The following CPA6 variants were observed in gnomAD, a reference collection of about 807,000 sequenced individuals.
CPA6 encodes carboxypeptidase A6.
In CPA6, 58 loss-of-function variants were observed where a neutral mutation model predicts 63.3. The ratio of observed to expected loss-of-function variants is 0.92; its 90% CI spans 0.74 to 1.14. CPA6 has a LOEUF of 1.14. CPA6 is among the 50% of genes most tolerant of loss of function. The pLI is 0.00. For synonymous variants in CPA6, 185 were observed against 179.0 expected (o/e 1.03, Z -0.27); for missense variants, 565 against 526.6 (o/e 1.07, Z -0.71).
intron 1 of CPA6, among the ~76,000 whole-genome samples, chr8:67,726,876 A>C (rs192076903): frequency 6.6e-6 from 1 of 152,202 alleles, no homozygotes; most frequent in African/African-American, 2.4e-5. Flanking sequence ...TTCAGTTAGA[A>C]ATAAAGGAGG....
chr8:67,546,243 C>G (rs1812816643), intron 2 of CPA6, among the ~76,000 whole-genome samples: 1 of 152,184 alleles, frequency 6.6e-6, no homozygotes, highest in African/African-American at 2.4e-5. Flanking sequence ...ATTGTAGGAA[C>G]CTGAAGCTTC....
chr8:67,563,518 G>A (rs956253305), intron 2 of CPA6, among the ~76,000 whole-genome samples: 4 of 152,136 alleles, frequency 2.6e-5, no homozygotes, highest in Admixed American at 2.6e-4. Flanking sequence ...TTTCAGGGAG[G>A]TCATTCTTTA....
intron 2 of CPA6, among the ~76,000 whole-genome samples, chr8:67,606,433 C>A (rs981950838): frequency 6.6e-6 from 1 of 152,036 alleles, no homozygotes; most frequent in Non-Finnish European, 1.5e-5. Context: ...TTGAGAGGAC[C>A]ACCCAAAGTC....
intron 1 of CPA6, among the ~76,000 whole-genome samples, chr8:67,699,521 A>T (rs1816978450): frequency 6.6e-6 from 1 of 152,114 alleles, no homozygotes; most frequent in Admixed American, 6.5e-5. Flanking sequence ...ACAAACAAAC[A>T]TTTACATGCA....
intron 1 of CPA6, among the ~76,000 whole-genome samples, chr8:67,675,133 A>G (rs1025962938): frequency 6.6e-6 from 1 of 152,136 alleles, no homozygotes; most frequent in African/African-American, 2.4e-5. Context: ...GCATCATGCA[A>G]TATACTCATC....
chr8:67,530,261 A>T (rs1224291848), intron 2 of CPA6, among the ~76,000 whole-genome samples: 3 of 152,112 alleles, frequency 2.0e-5, no homozygotes, highest in East Asian at 3.8e-4. Context: ...CTGATAAATT[A>T]AAAAAATCAT....
intron 8 of CPA6, among the ~76,000 whole-genome samples, chr8:67,451,230 C>G (rs1448902444): frequency 4.6e-5 from 7 of 152,174 alleles, no homozygotes; most frequent in East Asian, 3.9e-4. Context: ...GGCATGTGAG[C>G]AAGCAAAGCT....
intron 2 of CPA6, among the ~76,000 whole-genome samples, chr8:67,547,293 G>A (rs573268880): frequency 3.9e-5 from 6 of 152,238 alleles, no homozygotes; most frequent in African/African-American, 7.2e-5. Context: ...TGATCCGCCC[G>A]CCTCGGCCTC....
At chr8:67,482,792 G>A (rs745828838) in intron 8 of CPA6, among the ~76,000 whole-genome samples, 1 of 152,190 alleles carries the variant, frequency 6.6e-6, no homozygotes, top group Admixed American at 6.5e-5. Context: ...GCTAGTAATG[G>A]TAGAATCAGA....
At position 67,640,622 on chromosome 8, in the gene CPA6, C is replaced by T. The variant is rs190469315; in HGVS notation, c.117-16371G>A. ...GTAGGGGTCCTGCCTGTTCCTGGCT[C>T]CCAGGAGCGCAGGGGTGCCTGGGTC... is the stretch of plus-strand genomic sequence containing the variant. On this transcript the variant is annotated intron_variant, in intron 1 of 10. Transcript: ENST00000297770. Among the ~76,000 whole-genome samples the T allele has an allele frequency of 7.1e-4, 107 of 151,172 alleles. 2 individuals carry two copies. In the East Asian group the frequency reaches 0.02, roughly 28 times the overall value.
intron 1 of CPA6, among the ~76,000 whole-genome samples, chr8:67,671,646 A>G (rs1816346431): frequency 6.6e-6 from 1 of 152,226 alleles, no homozygotes; most frequent in Non-Finnish European, 1.5e-5. Flanking sequence ...CTTCAGAAGC[A>G]GAAGGCTTCT....
intron 8 of CPA6, chr8:67,452,605 A>G (rs961827465): frequency 6.6e-6 from 1 of 152,258 alleles, no homozygotes; most frequent in Non-Finnish European, 1.5e-5. Context: ...ATACATCATG[A>G]ACCAAAGGTT....
intron 1 of CPA6, among the ~76,000 whole-genome samples, chr8:67,634,848 A>G (rs921542643): frequency 5.9e-5 from 9 of 151,416 alleles, no homozygotes; most frequent in Non-Finnish European, 1.0e-4. Flanking sequence ...ATAGTCTCTC[A>G]ATACTTAGTA....
At chr8:67,556,226 C>G (rs113528177) in intron 2 of CPA6, among the ~76,000 whole-genome samples, 1 of 152,122 alleles carries the variant, frequency 6.6e-6, no homozygotes, top group Non-Finnish European at 1.5e-5. Context: ...TTTCTGCGTT[C>G]GTAGGAGCTC....
At chr8:67,450,692 G>C (rs980610751) in intron 8 of CPA6, among the ~76,000 whole-genome samples, 1 of 152,186 alleles carries the variant, frequency 6.6e-6, no homozygotes, top group Admixed American at 6.5e-5. Flanking sequence ...ATCTTGCCTT[G>C]TATCTATTGG....
At chr8:67,547,089 C>T (rs1207793260) in intron 2 of CPA6, among the ~76,000 whole-genome samples, 1 of 152,154 alleles carries the variant, frequency 6.6e-6, no homozygotes, top group Non-Finnish European at 1.5e-5. Flanking sequence ...CTCTGTCACC[C>T]AGGCTGGAGT....
intron 1 of CPA6, among the ~76,000 whole-genome samples, chr8:67,634,927 G>T (rs1438923535): frequency 6.6e-6 from 1 of 151,398 alleles, no homozygotes; most frequent in Non-Finnish European, 1.5e-5. Flanking sequence ...TCACTCTGTT[G>T]CCCAGGCTGG....
intron 8 of CPA6, among the ~76,000 whole-genome samples, chr8:67,479,071 G>C (rs1003063562): frequency 5.3e-5 from 8 of 152,124 alleles, no homozygotes; most frequent in African/African-American, 1.9e-4. Context: ...TAGCACCCTA[G>C]CATGCTAATT....
intron 8 of CPA6, among the ~76,000 whole-genome samples, chr8:67,444,070 C>G (rs1365435906): frequency 1.3e-5 from 2 of 151,402 alleles, no homozygotes; most frequent in Non-Finnish European, 2.9e-5. Context: ...CGGCTCACTG[C>G]AAGCTCCGCC....
Sources: allele counts gnomAD v4.1 joint callset (sites outside exome capture counted in the v4.1 genomes callset), GRCh38; gene constraint gnomAD v4.1.1; transcripts MANE v1.5; gene names NCBI Gene and HGNC (gene_info 2026-07-23, HGNC 2026-07-21).